Variants in BDNF observed in about 807,000 individuals in gnomAD.
BDNF encodes neurotrophic factor BDNF precursor form.
Under a neutral mutation model 19.5 loss-of-function variants are expected in BDNF, and 1 was observed. The observed-to-expected ratio is 0.05, with a 90% CI of 0.02 to 0.24. The LOEUF is 0.24. BDNF is among the 10% of genes least tolerant of loss of function. BDNF has a pLI of 1.00. For missense variants in BDNF, 195 were observed against 317.6 expected (o/e 0.61, Z 2.93); for synonymous variants, 100 against 121.6 (o/e 0.82, Z 1.17).
At chr11:27,699,663 C>A (rs1359387786) in intron 1 of BDNF, 9 of 1,423,260 alleles carry the variant, frequency 6.3e-6, no homozygotes, top group Admixed American at 2.8e-5. Context: ...AGCAGGTAGC[C>A]GTGTGCAGCT....
intron 1 of BDNF, among the ~76,000 whole-genome samples, chr11:27,715,601 T>A (rs1182395120): frequency 6.6e-6 from 1 of 152,228 alleles, no homozygotes; most frequent in South Asian, 2.1e-4. Flanking sequence ...AAAATGTTTT[T>A]AATTTAATTA....
chr11:27,701,001 G>A, upstream of BDNF: 1 of 1,361,830 alleles, frequency 7.3e-7, no homozygotes, highest in Non-Finnish European at 9.8e-7. Context: ...TACGGAGCTT[G>A]CGAACGCGAG....
chr11:27,702,416 C>A (rs1481834542), upstream of BDNF, among the ~76,000 whole-genome samples: 1 of 152,178 alleles, frequency 6.6e-6, no homozygotes, highest in Admixed American at 6.5e-5. Flanking sequence ...GGGGGTACAA[C>A]ACTGGGTATC....
chr11:27,679,140 G>A (rs995152882), intron 1 of BDNF, among the ~76,000 whole-genome samples: 3 of 152,196 alleles, frequency 2.0e-5, no homozygotes, highest in African/African-American at 7.2e-5. Context: ...TCTGATGGGT[G>A]TCATGCACTC....
chr11:27,658,145 C>T lies in BDNF; in HGVS notation c.420G>A (p.Val140=), dbSNP rs1329236636. The T allele has an allele frequency of 1.2e-6, 2 of 1,614,144 alleles. No individual in the cohort carries two copies. Among genetic ancestry groups the T allele is most frequent in the Admixed American group, 1.7e-5 (1 of 60,020 alleles). The change falls in exon 2 of 2, where the codon GTG becomes GTA. Residue 140 remains valine (V), a synonymous_variant. Transcript: ENST00000356660. This position sits in a 1 kb window ranked among gnomAD's most constrained non-coding sequence, Gnocchi z 5.7. ...SDPARRGELS[V]CDSISEWVTA... is the part of the protein sequence containing the mutation. ...TTACCCACTCACTAATACTGTCACA[C>T]ACGCTCAGCTCCCCTCGGCGGGCAG...
At chr11:27,680,155 T>A (rs1257294429) in intron 1 of BDNF, among the ~76,000 whole-genome samples, 1 of 152,210 alleles carries the variant, frequency 6.6e-6, no homozygotes, top group Non-Finnish European at 1.5e-5. Context: ...TCAAAATGAA[T>A]GAGACTGAAT....
chr11:27,666,643 T>A (rs771796635), intron 1 of BDNF, among the ~76,000 whole-genome samples: 6 of 152,178 alleles, frequency 3.9e-5, no homozygotes, highest in Non-Finnish European at 8.8e-5. Context: ...CAAGCTTCAG[T>A]AGCTGATTCA....
chr11:27,660,115 T>C, intron 1 of BDNF: 1 of 915,572 alleles, frequency 1.1e-6, no homozygotes, highest in South Asian at 2.3e-5. Context: ...AGGAACTGTG[T>C]TTCTGCCCAT....
exon 1 of BDNF, chr11:27,721,891 T>A (rs574804602): frequency 1.1e-3 from 201 of 175,788 alleles, no homozygotes; most frequent in Non-Finnish European, 1.8e-3. Flanking sequence ...TGCACACCGC[T>A]CCCTTGCCCA....
At chr11:27,668,112 A>G (rs1854690279) in intron 1 of BDNF, among the ~76,000 whole-genome samples, 1 of 152,208 alleles carries the variant, frequency 6.6e-6, no homozygotes, top group African/African-American at 2.4e-5. Flanking sequence ...GGATTAAGAA[A>G]CTCACTCAGA....
At position 27,658,072 on chromosome 11, in the gene BDNF, T is replaced by C; in HGVS notation, c.493A>G (p.Thr165Ala). 1 of 1,614,186 alleles carries C rather than the reference T, an allele frequency of 6.2e-7. No homozygotes were observed. The change falls in exon 2 of 2, where the codon ACA becomes GCA. Residue 165 changes from threonine (T) to alanine (A), a missense_variant. Transcript: ENST00000356660. This position sits in a 1 kb window ranked among gnomAD's most constrained non-coding sequence, Gnocchi z 5.7. ...TAVDMSGGTVTVLEKVPVSKG... is the reference protein window; with the variant it reads ...TAVDMSGGTVAVLEKVPVSKG... ...GATACAGGGACCTTTTCAAGGACTG[T>C]GACCGTCCCGCCCGACATGTCCACT...
chr11:27,720,338 G>C (rs1488275542), intron 1 of BDNF: 3 of 985,686 alleles, frequency 3.0e-6, no homozygotes, highest in Admixed American at 6.1e-5. Context: ...CCCCGCCCTG[G>C]TGCTTACCTT....
chr11:27,721,586 C>T, exon 1 of BDNF: 2 of 719,812 alleles, frequency 2.8e-6, no homozygotes, highest in Admixed American at 2.1e-5. Context: ...GCAATATCCG[C>T]AAGCTTAAAC....
At chr11:27,690,529 C>T (rs1261864789) in intron 1 of BDNF, among the ~76,000 whole-genome samples, 5 of 152,094 alleles carry the variant, frequency 3.3e-5, no homozygotes, top group South Asian at 2.1e-4. Context: ...TGATGCCAAA[C>T]TGTGCTCCGA....
At chr11:27,700,658 C>T (rs1464087637), upstream of BDNF, 4 of 1,035,606 alleles carry the variant, frequency 3.9e-6, no homozygotes, top group Non-Finnish European at 4.7e-6. Context: ...TCCCCGCTCC[C>T]CCGGGGCCTG....
intron 1 of BDNF, among the ~76,000 whole-genome samples, chr11:27,671,693 C>T (rs1234987334): frequency 2.6e-5 from 4 of 152,126 alleles, no homozygotes; most frequent in Non-Finnish European, 4.4e-5. Flanking sequence ...TAAACTTACA[C>T]AGGCTGAAAT....
intron 1 of BDNF, chr11:27,697,835 A>G (rs915283099): frequency 1.3e-5 from 2 of 152,218 alleles, no homozygotes; most frequent in African/African-American, 4.8e-5. Flanking sequence ...TATGTGAAAA[A>G]TTACTGTTAT....
chr11:27,663,675 C>T (rs1853827049), intron 1 of BDNF, among the ~76,000 whole-genome samples: 1 of 152,140 alleles, frequency 6.6e-6, no homozygotes, highest in East Asian at 1.9e-4. Flanking sequence ...TAGTAGGTCA[C>T]CTGTCTCCTG....
intron 1 of BDNF, among the ~76,000 whole-genome samples, chr11:27,679,322 G>C (rs1174911102): frequency 1.3e-5 from 2 of 152,140 alleles, no homozygotes; most frequent in African/African-American, 4.8e-5. Context: ...GTTATCTCAA[G>C]CCGAGGCCTC....
Sources: allele counts gnomAD v4.1 joint callset (sites outside exome capture counted in the v4.1 genomes callset), GRCh38; gene constraint gnomAD v4.1.1; non-coding constraint Gnocchi (gnomAD v3.1); transcripts MANE v1.5; gene names NCBI Gene and HGNC (gene_info 2026-07-23, HGNC 2026-07-21).